RNF144A: variants seen among roughly 807,000 people sequenced by gnomAD.
The protein encoded by RNF144A is E3 ubiquitin-protein ligase RNF144A.
A neutral mutation model predicts 38.7 loss-of-function variants in RNF144A; 11 were observed. That is an observed-to-expected ratio of 0.28 (90% CI 0.18 to 0.47). The LOEUF (loss-of-function observed/expected upper bound fraction) is 0.47. Among genes scored for constraint, RNF144A ranks in the 20% least tolerant of loss-of-function variants. The pLI is 0.99. For synonymous variants in RNF144A, 149 were observed against 143.9 expected (o/e 1.04, Z -0.25); for missense variants, 316 against 377.2 (o/e 0.84, Z 1.34).
intron 3 of RNF144A, among the ~76,000 whole-genome samples, chr2:7,010,699 C>G (rs71436174): frequency 6.6e-6 from 1 of 152,228 alleles, no homozygotes; most frequent in East Asian, 1.9e-4. Flanking sequence ...GCTTACCCCC[C>G]TTTCTTCCCT....
intron 2 of RNF144A, among the ~76,000 whole-genome samples, chr2:6,968,989 G>T (rs1268643960): frequency 6.6e-6 from 1 of 152,218 alleles, no homozygotes; most frequent in Non-Finnish European, 1.5e-5. Context: ...GTCTCAGGGT[G>T]CACCCTGGTA....
intron 8 of RNF144A, among the ~76,000 whole-genome samples, chr2:7,037,695 G>A (rs1252683100): frequency 1.3e-5 from 2 of 152,246 alleles, no homozygotes; most frequent in Admixed American, 6.5e-5. Context: ...GCATGTGTTG[G>A]TGTTGATTTT....
intron 1 of RNF144A, among the ~76,000 whole-genome samples, chr2:6,924,817 AT>A (rs1664758567): frequency 6.6e-6 from 1 of 152,230 alleles, no homozygotes; most frequent in African/African-American, 2.4e-5. Flanking sequence ...TGTTCACTGT[AT>A]TCTCTGTCTC....
downstream of RNF144A, among the ~76,000 whole-genome samples, chr2:7,046,209 C>T (rs1304853016): frequency 6.6e-6 from 1 of 152,248 alleles, no homozygotes; most frequent in East Asian, 1.9e-4. Flanking sequence ...CTCAGCTCAG[C>T]TCATCTCTGT....
intron 2 of RNF144A, among the ~76,000 whole-genome samples, chr2:6,959,969 C>T (rs1395159889): frequency 2.0e-5 from 3 of 152,234 alleles, no homozygotes; most frequent in Non-Finnish European, 4.4e-5. Flanking sequence ...TCCCTGCCCT[C>T]ATATGGAGAT....
chr2:6,949,840 AATATAC>A (rs1292571309), intron 2 of RNF144A, among the ~76,000 whole-genome samples: 1 of 152,226 alleles, frequency 6.6e-6, no homozygotes, highest in African/African-American at 2.4e-5. Flanking sequence ...TTTAAAAATA[AATATAC>A]ATACACAGTA....
At chr2:7,076,021 G>C in the RNF144A span, among the ~76,000 whole-genome samples, 1 of 152,168 alleles carries the variant, frequency 6.6e-6, no homozygotes, top group Non-Finnish European at 1.5e-5. Flanking sequence ...ATTGCATCAT[G>C]CTGTTTTGAT....
rs1666201274 is a variant in RNF144A at position 6,944,325 on chromosome 2, T to A, written c.-12+3178T>A. 6.6e-6 allele frequency among the ~76,000 whole-genome samples: 1 copy of A among 152,082 alleles called. No individual in the cohort carries two copies. Among genetic ancestry groups the A allele is most frequent in the Admixed American group, 6.5e-5 (1 of 15,280 alleles). On this transcript the variant is annotated intron_variant, in intron 2 of 8. Transcript: ENST00000320892. This position sits in a 1 kb window ranked among gnomAD's most constrained non-coding sequence, Gnocchi z 4.7. Reference sequence around the variant, plus strand: ...AAGTTCCAGTGTTCCTCCCAAAGGCTCGGCTTCTCAGTCATCCTGTCTCAC... The same window carrying A: ...AAGTTCCAGTGTTCCTCCCAAAGGCACGGCTTCTCAGTCATCCTGTCTCAC...
At chr2:7,052,600 G>A (rs1412928533) in intron 6 of RNF144A, among the ~76,000 whole-genome samples, 1 of 152,142 alleles carries the variant, frequency 6.6e-6, no homozygotes, top group African/African-American at 2.4e-5. Flanking sequence ...TGTGTTCTGA[G>A]CCTCACCCAT....
At chr2:7,046,972 G>T (rs928404449), downstream of RNF144A, among the ~76,000 whole-genome samples, 1 of 152,176 alleles carries the variant, frequency 6.6e-6, no homozygotes, top group African/African-American at 2.4e-5. Flanking sequence ...CCAACAAGGG[G>T]TAGTCTCTTC....
At chr2:6,994,020 C>T (rs967745409) in intron 2 of RNF144A, among the ~76,000 whole-genome samples, 1 of 152,108 alleles carries the variant, frequency 6.6e-6, no homozygotes, top group African/African-American at 2.4e-5. Context: ...ATTGAGTTCA[C>T]AGAAGTTAAA....
At chr2:6,985,899 C>T (rs1013622179) in intron 2 of RNF144A, among the ~76,000 whole-genome samples, 4 of 152,178 alleles carry the variant, frequency 2.6e-5, no homozygotes, top group African/African-American at 9.7e-5. Flanking sequence ...TGGTCTCGAT[C>T]TCCTGACCTC....
At position 7,024,483 on chromosome 2, in the gene RNF144A, C is replaced by T. The variant is rs375488355; in HGVS notation, c.624C>T (p.His208=). 25 of 1,611,594 alleles carry T rather than the reference C, an allele frequency of 1.6e-5. No homozygotes were observed. Among genetic ancestry groups the T allele is most frequent in the East Asian group, 1.1e-4 (5 of 44,820 alleles). Reference sequence around the variant, plus strand: ...AGATGATGTGCAAGAACTGCAAGCACGCCTTCTGCTGGTACTGCCTGGAGT... The same window carrying T: ...AGATGATGTGCAAGAACTGCAAGCATGCCTTCTGCTGGTACTGCCTGGAGT... ...CAQMMCKNCK[H]AFCWYCLESL... is the part of the protein sequence containing the mutation. The change falls in exon 7 of 9, where the codon CAC becomes CAT. Residue 208 remains histidine (H), a synonymous_variant. Transcript: ENST00000320892.
In RNF144A at chr2:7,020,551, T is replaced by C. The variant is rs761224686; in HGVS notation, c.380T>C (p.Leu127Pro). Reference protein sequence around the residue: ...QAVCQLQDVGLQTPQPVQCKA... With the variant: ...QAVCQLQDVGPQTPQPVQCKA... ...GTGTGTCAGCTCCAGGACGTGGGGC[T>C]GCAGACCCCCCAGCCAGTGCAGTGC... Residue 127 changes from leucine to proline, a missense_variant, in exon 6 of 9, where the codon CTG becomes CCG. Coordinates refer to ENST00000320892, the MANE Select transcript of RNF144A (RefSeq NM_014746.6). 1.2e-6 allele frequency: 2 copies of C among 1,613,586 alleles called. No homozygotes were observed. The highest frequency in any genetic ancestry group is 1.7e-6 in the Non-Finnish European group (2 of 1,180,026).
chr2:6,989,990 A>G (rs1483142728), intron 2 of RNF144A, among the ~76,000 whole-genome samples: 1 of 152,180 alleles, frequency 6.6e-6, no homozygotes, highest in East Asian at 1.9e-4. Context: ...TTAGCTATTA[A>G]CATCCCATAC....
downstream of RNF144A, among the ~76,000 whole-genome samples, chr2:7,068,699 T>C (rs1275327024): frequency 6.6e-6 from 1 of 152,012 alleles, no homozygotes. Flanking sequence ...GAAACAGAAG[T>C]AGAACAATGA....
At chr2:6,925,501 G>C (rs960680198) in intron 1 of RNF144A, among the ~76,000 whole-genome samples, 2 of 152,102 alleles carry the variant, frequency 1.3e-5, no homozygotes, top group Non-Finnish European at 2.9e-5. Flanking sequence ...GTTATCATGT[G>C]TAGGGGTGAA....
intron 1 of RNF144A, among the ~76,000 whole-genome samples, chr2:6,924,975 T>G (rs531772918): frequency 6.6e-6 from 1 of 152,214 alleles, no homozygotes; most frequent in Non-Finnish European, 1.5e-5. Context: ...GCTGGCTCTT[T>G]GACGGATGGA....
chr2:6,932,733 C>T (rs1221293355), intron 1 of RNF144A, among the ~76,000 whole-genome samples: 4 of 152,180 alleles, frequency 2.6e-5, no homozygotes, highest in South Asian at 2.1e-4. Flanking sequence ...TCAGGAATGA[C>T]GGCAGAATTA....
Sources: gnomAD v4.1 joint callset for allele counts (sites outside exome capture counted in the v4.1 genomes callset) on GRCh38, gnomAD v4.1.1 for gene constraint, Gnocchi (gnomAD v3.1) non-coding constraint, MANE v1.5 for transcripts, NCBI Gene and HGNC (gene_info 2026-07-23, HGNC 2026-07-21) for gene names.